Variants in PLA2G4A observed in about 807,000 individuals in gnomAD.
The protein encoded by PLA2G4A is phospholipase A2 group IVA.
A neutral mutation model predicts 81.9 loss-of-function variants in PLA2G4A; 40 were observed. The ratio of observed to expected loss-of-function variants is 0.49; its 90% confidence interval spans 0.38 to 0.64. The LOEUF is 0.64. PLA2G4A is among the 30% of genes least tolerant of loss of function. The pLI is 0.00. For synonymous variants in PLA2G4A, 302 were observed against 296.9 expected, an observed-to-expected ratio of 1.02 and a Z score of -0.18; for missense variants, 715 against 905.1, an observed-to-expected ratio of 0.79 and a Z score of 2.69.
chr1:186,870,100 T>A (rs1653198056), intron 2 of PLA2G4A, among the ~76,000 whole-genome samples: 1 of 152,192 alleles, frequency 6.6e-6, no homozygotes, highest in Non-Finnish European at 1.5e-5. Context: ...AGTTCACCTT[T>A]ATAAGCCAGG....
chr1:186,925,675 C>G (rs1370494463), intron 7 of PLA2G4A, among the ~76,000 whole-genome samples: 1 of 152,162 alleles, frequency 6.6e-6, no homozygotes, highest in East Asian at 1.9e-4. Context: ...CTGAGACTCT[C>G]CCAAGTCATC....
intron 1 of PLA2G4A, among the ~76,000 whole-genome samples, chr1:186,847,616 A>G (rs1332636444): frequency 3.3e-5 from 5 of 152,296 alleles, no homozygotes. Context: ...GCAGATGGAC[A>G]AGGACATTTA....
At chr1:186,953,073 T>C (rs148006891) in intron 13 of PLA2G4A, among the ~76,000 whole-genome samples, 2 of 152,278 alleles carry the variant, frequency 1.3e-5, no homozygotes, top group East Asian at 3.9e-4. Context: ...TTTATTTGGG[T>C]AAATACCATG....
Position 186,893,156 on chromosome 1 carries a change from G to A in PLA2G4A, c.261G>A (p.Leu87=), listed in dbSNP as rs1654206708. ...FILDPNQENV[L]EITLMDANYV... is the part of the protein sequence containing the mutation. ...TGGATCCTAATCAGGAAAATGTTTT[G>A]GAGGTAAGTGAACCATTTGGATGCT... The change falls in exon 4 of 18, where the codon TTG becomes TTA. Residue 87 remains leucine, a synonymous_variant. Transcript: ENST00000367466. 5.6e-6 allele frequency: 9 copies of A among 1,611,628 alleles called. No individual in the cohort carries two copies. The highest frequency in any genetic ancestry group is 3.3e-5 in the South Asian group (3 of 91,024).
chr1:186,924,665 T>C (rs1384979981), intron 7 of PLA2G4A, among the ~76,000 whole-genome samples: 2 of 152,044 alleles, frequency 1.3e-5, no homozygotes, highest in Non-Finnish European at 2.9e-5. Flanking sequence ...CTTGACTTCC[T>C]GGGTTCAAAT....
At chr1:186,982,738 A>G (rs1657764304) in intron 17 of PLA2G4A, among the ~76,000 whole-genome samples, 1 of 151,962 alleles carries the variant, frequency 6.6e-6, no homozygotes, top group Non-Finnish European at 1.5e-5. Flanking sequence ...GTTTTCACTG[A>G]CATTTTATCT....
chr1:186,830,656 C>A (rs1651521056), intron 1 of PLA2G4A, among the ~76,000 whole-genome samples: 1 of 143,136 alleles, frequency 7.0e-6, no homozygotes. Flanking sequence ...AAGTGTTTTG[C>A]ATTTTTGCAT....
At chr1:186,880,269 T>A (rs1653680460) in intron 3 of PLA2G4A, among the ~76,000 whole-genome samples, 1 of 152,114 alleles carries the variant, frequency 6.6e-6, no homozygotes, top group African/African-American at 2.4e-5. Flanking sequence ...CCTTTTAATA[T>A]ATGGAATGGG....
At chr1:186,927,293 T>G (rs1342915082) in intron 7 of PLA2G4A, among the ~76,000 whole-genome samples, 3 of 152,230 alleles carry the variant, frequency 2.0e-5, no homozygotes, top group Non-Finnish European at 4.4e-5. Flanking sequence ...ATATAATTTC[T>G]TTATGAGAAG....
intron 15 of PLA2G4A, among the ~76,000 whole-genome samples, chr1:186,975,062 C>T (rs762424062): frequency 7.9e-5 from 12 of 152,194 alleles, no homozygotes; most frequent in Non-Finnish European, 1.5e-4. Flanking sequence ...CTAGAAAGCT[C>T]TTTCTTTTCT....
intron 1 of PLA2G4A, among the ~76,000 whole-genome samples, chr1:186,840,147 A>G (rs1651929230): frequency 6.6e-6 from 1 of 151,290 alleles, no homozygotes; most frequent in South Asian, 2.1e-4. Context: ...CCTGGGCAGT[A>G]ATTAGCTTTC....
intron 1 of PLA2G4A, among the ~76,000 whole-genome samples, chr1:186,836,725 A>G (rs1046675418): frequency 1.3e-5 from 2 of 152,242 alleles, no homozygotes; most frequent in Admixed American, 6.5e-5. Flanking sequence ...TTAATTAATA[A>G]CAGCTACATG....
intron 7 of PLA2G4A, among the ~76,000 whole-genome samples, chr1:186,917,866 G>T (rs1401817679): frequency 6.6e-6 from 1 of 152,226 alleles, no homozygotes; most frequent in Admixed American, 6.5e-5. Context: ...GCTTTGCCTC[G>T]CATTGTGCTG....
chr1:186,952,526 G>T (rs1403618935), intron 13 of PLA2G4A, among the ~76,000 whole-genome samples: 1 of 152,010 alleles, frequency 6.6e-6, no homozygotes, highest in African/African-American at 2.4e-5. Context: ...ACACCAGAGT[G>T]GTACATTTGT....
intron 1 of PLA2G4A, among the ~76,000 whole-genome samples, chr1:186,831,321 C>T (rs1571316277): frequency 6.6e-6 from 1 of 152,028 alleles, no homozygotes; most frequent in South Asian, 2.1e-4. Context: ...TATTGTAGCA[C>T]CCACATAGTC....
chr1:186,946,567 C>A (rs2102233054), intron 10 of PLA2G4A, 70 bp from the exon 11 acceptor site: 2 of 1,037,306 alleles, frequency 1.9e-6, no homozygotes, highest in East Asian at 2.4e-5. Flanking sequence ...TTAAAGTGAT[C>A]ATTAATTGTG....
intron 1 of PLA2G4A, among the ~76,000 whole-genome samples, chr1:186,831,160 T>C (rs1198008768): frequency 6.6e-6 from 1 of 152,084 alleles, no homozygotes; most frequent in Non-Finnish European, 1.5e-5. Context: ...CACACACAAA[T>C]TTAAAAACAC....
At chr1:186,890,986 C>T (rs1654116955) in intron 3 of PLA2G4A, among the ~76,000 whole-genome samples, 1 of 152,000 alleles carries the variant, frequency 6.6e-6, no homozygotes, top group African/African-American at 2.4e-5. Flanking sequence ...AGTGTACAAC[C>T]TGTACAACCA....
intron 15 of PLA2G4A, among the ~76,000 whole-genome samples, chr1:186,973,700 T>C (rs181249058): frequency 6.4e-4 from 97 of 152,366 alleles, no homozygotes; most frequent in Non-Finnish European, 1.1e-3. Context: ...CTATACAACA[T>C]TAGATATAGA....
Sources: gnomAD v4.1 joint callset for allele counts (sites outside exome capture counted in the v4.1 genomes callset) on GRCh38, gnomAD v4.1.1 for gene constraint, MANE v1.5 for transcripts, NCBI Gene and HGNC (gene_info 2026-07-23, HGNC 2026-07-21) for gene names.